The following CEP128 variants were observed in gnomAD, a reference collection of about 807,000 sequenced individuals.
CEP128 encodes the protein centrosomal protein 128kDa.
A neutral mutation model predicts 156.7 loss-of-function variants in CEP128; 132 were observed. The observed-to-expected ratio is 0.84, with a 90% CI of 0.73 to 0.97. The LOEUF (loss-of-function observed/expected upper bound fraction) is 0.97, where lower values mean the gene tolerates loss of function less well. CEP128 is among the 50% of genes least tolerant of loss of function. The pLI, the probability that CEP128 is intolerant of heterozygous loss-of-function variation, is 0.00. For missense variants in CEP128, 1,252 were observed against 1,281.9 expected (o/e 0.98, Z 0.36); for synonymous variants, 469 against 448.9 (o/e 1.04, Z -0.57).
At chr14:80,589,583 G>T (rs1287754872) in intron 19 of CEP128, among the ~76,000 whole-genome samples, 4 of 152,182 alleles carry the variant, frequency 2.6e-5, no homozygotes, top group African/African-American at 9.6e-5. Context: ...CAGTGAAAGA[G>T]TCATGCACAC....
chr14:80,641,959 G>A (rs866238151), intron 19 of CEP128, among the ~76,000 whole-genome samples: 19 of 151,758 alleles, frequency 1.3e-4, no homozygotes, highest in African/African-American at 4.1e-4. Flanking sequence ...GCGTGGTGGC[G>A]GGCACCTGTA....
chr14:80,490,378 G>T (rs933522647), downstream of CEP128: 38 of 152,300 alleles, frequency 2.5e-4, no homozygotes, highest in African/African-American at 8.4e-4. Flanking sequence ...AAGAAAAAAT[G>T]AAATTGCATG....
chr14:80,803,146 C>T (rs541582232), intron 13 of CEP128, among the ~76,000 whole-genome samples: 17 of 152,096 alleles, frequency 1.1e-4, no homozygotes, highest in African/African-American at 3.6e-4. Context: ...TCCAGAGAAC[C>T]ACAGGGCATA....
chr14:80,729,092 T>G (rs901915178), intron 19 of CEP128, among the ~76,000 whole-genome samples: 10 of 72,476 alleles, frequency 1.4e-4, no homozygotes, highest in African/African-American at 3.2e-4. Flanking sequence ...TGTGTGTGTG[T>G]GTGTGTGTGT....
intron 21 of CEP128, among the ~76,000 whole-genome samples, chr14:80,551,708 T>C (rs1206689757): frequency 1.3e-5 from 2 of 152,190 alleles, no homozygotes; most frequent in African/African-American, 4.8e-5. Context: ...AGCTATACAC[T>C]CTTTGATTAT....
intron 19 of CEP128, among the ~76,000 whole-genome samples, chr14:80,690,495 G>A (rs556410520): frequency 4.6e-5 from 7 of 151,144 alleles, no homozygotes; most frequent in African/African-American, 1.7e-4. Flanking sequence ...TTCTCACAAT[G>A]ATAGGTGCTG....
At chr14:80,711,268 G>A (rs1785646558) in intron 19 of CEP128, among the ~76,000 whole-genome samples, 2 of 149,258 alleles carry the variant, frequency 1.3e-5, no homozygotes, top group South Asian at 4.2e-4. Flanking sequence ...TTAGAATATG[G>A]TCTAAAGACT....
intron 19 of CEP128, among the ~76,000 whole-genome samples, chr14:80,647,058 T>C (rs1417155302): frequency 0.013 from 543 of 42,872 alleles, 28 homozygotes; most frequent in African/African-American, 0.041. Flanking sequence ...TATATATATA[T>C]ATATATATAT....
intron 21 of CEP128, among the ~76,000 whole-genome samples, chr14:80,558,567 C>T (rs1035221970): frequency 1.3e-5 from 2 of 152,178 alleles, no homozygotes; most frequent in South Asian, 2.1e-4. Context: ...GGATTACGGG[C>T]GTGAGCCACC....
At chr14:80,607,113 T>C (rs900112054) in intron 19 of CEP128, among the ~76,000 whole-genome samples, 1 of 151,994 alleles carries the variant, frequency 6.6e-6, no homozygotes, top group Non-Finnish European at 1.5e-5. Flanking sequence ...GAAAATGAGC[T>C]ACATGTGTTT....
At chr14:80,666,505 AT>A (rs1340979417) in intron 19 of CEP128, among the ~76,000 whole-genome samples, 1 of 152,216 alleles carries the variant, frequency 6.6e-6, no homozygotes, top group Non-Finnish European at 1.5e-5. Flanking sequence ...TTCTTGAAGA[AT>A]TATCACATCA....
At chr14:80,519,244 T>C (rs947476543) in intron 23 of CEP128, among the ~76,000 whole-genome samples, 1 of 152,200 alleles carries the variant, frequency 6.6e-6, no homozygotes, top group Non-Finnish European at 1.5e-5. Flanking sequence ...TTTTCTAATA[T>C]TTTTCCTGGG....
At chr14:80,744,015 TA>T (rs1178425826) in intron 18 of CEP128, among the ~76,000 whole-genome samples, 1 of 151,704 alleles carries the variant, frequency 6.6e-6, no homozygotes, top group African/African-American at 2.4e-5. Context: ...GGACTACAGG[TA>T]CACACCACCA....
chr14:80,770,748 T>G (rs1566904689), intron 16 of CEP128, among the ~76,000 whole-genome samples: 1 of 150,640 alleles, frequency 6.6e-6, no homozygotes, highest in Non-Finnish European at 1.5e-5. Flanking sequence ...GACTACAACT[T>G]TATTCTACTC....
intron 18 of CEP128, 111 bp from the exon 19 acceptor site, chr14:80,743,378 C>A: frequency 2.3e-6 from 2 of 860,494 alleles, no homozygotes; most frequent in Non-Finnish European, 3.5e-6. Context: ...AGATAATTAC[C>A]AAATTTTTGC....
chr14:80,770,784 C>CA (rs943105140), intron 16 of CEP128, among the ~76,000 whole-genome samples: 30 of 151,376 alleles, frequency 2.0e-4, no homozygotes, highest in Middle Eastern at 3.4e-3. Flanking sequence ...TCTGTAGCAC[C>CA]AAAAAAAAGA....
At chr14:80,799,616 A>C (rs1183089100) in intron 13 of CEP128, among the ~76,000 whole-genome samples, 1 of 152,104 alleles carries the variant, frequency 6.6e-6, no homozygotes, top group Non-Finnish European at 1.5e-5. Context: ...AAGGAATATT[A>C]ATATTAATAC....
chr14:80,870,281 T>G (rs553089571), intron 8 of CEP128, among the ~76,000 whole-genome samples: 2 of 151,884 alleles, frequency 1.3e-5, no homozygotes, highest in South Asian at 4.2e-4. Flanking sequence ...CCAAAGACAC[T>G]ACTAAAAAAG....
intron 23 of CEP128, among the ~76,000 whole-genome samples, chr14:80,511,675 ATCAC>A (rs1226817433): frequency 2.0e-5 from 3 of 151,690 alleles, no homozygotes; most frequent in Non-Finnish European, 4.4e-5. Flanking sequence ...TTTAAGATGC[ATCAC>A]TCAGTTTTTT....
Sources: gnomAD v4.1 joint callset for allele counts (sites outside exome capture counted in the v4.1 genomes callset) on GRCh38, gnomAD v4.1.1 for gene constraint, MANE v1.5 for transcripts, NCBI Gene and HGNC (gene_info 2026-07-23, HGNC 2026-07-21) for gene names.